Variants in MPRIP observed in about 807,000 individuals in gnomAD.
MPRIP encodes myosin phosphatase Rho interacting protein.
A neutral mutation model predicts 234.9 loss-of-function variants in MPRIP; 59 were observed. The ratio of observed to expected loss-of-function variants is 0.25; its 90% CI spans 0.20 to 0.31. MPRIP has a LOEUF of 0.31. Among genes scored for constraint, MPRIP ranks in the 10% least tolerant of loss-of-function variants. The pLI is 1.00. For synonymous variants in MPRIP, 1,144 were observed against 1,263.9 expected, an observed-to-expected ratio of 0.91 and a Z score of 2.01; for missense variants, 2,436 against 3,071.0, an observed-to-expected ratio of 0.79 and a Z score of 4.89.
At chr17:17,086,364 C>T (rs948937007) in intron 3 of MPRIP, among the ~76,000 whole-genome samples, 1 of 152,216 alleles carries the variant, frequency 6.6e-6, no homozygotes, top group African/African-American at 2.4e-5. Context: ...TTAGATGAGT[C>T]CCCATCCCGT....
intron 1 of MPRIP, among the ~76,000 whole-genome samples, chr17:17,071,790 C>T (rs1486595682): frequency 2.6e-5 from 4 of 152,136 alleles, no homozygotes; most frequent in African/African-American, 9.7e-5. Flanking sequence ...TCTGGGAGGA[C>T]CTGCATAGAA....
At position 17,066,723 on chromosome 17, in the gene MPRIP, CTTTTTTTTTTTTTTTTTTTTTTTTTT is replaced by C. The variant is rs34804730; in HGVS notation, c.124-8966_124-8941del. ...TCAAACCCACAGATACTTTTTTCAT[CTTTTTTTTTTTTTTTTTTTTTTTTTT>C]TTTTTTTTTTTTTTTTTTTTGAGAC... On this transcript the variant is annotated intron_variant, in intron 1 of 23. Coordinates refer to ENST00000651222, the MANE Select transcript of MPRIP (RefSeq NM_001364716.4). Among the ~76,000 whole-genome samples the C allele has an allele frequency of 6.5e-3, 237 of 36,678 alleles. 1 individual carries two copies. The highest frequency in any genetic ancestry group is 0.017 in the South Asian group (13 of 758). The allele number at this position is 36,678 out of a possible 152,430, so 24.1% of individuals were successfully genotyped here.
chr17:17,172,484 C>T (rs1444752628), intron 17 of MPRIP, among the ~76,000 whole-genome samples: 1 of 152,202 alleles, frequency 6.6e-6, no homozygotes, highest in Non-Finnish European at 1.5e-5. Context: ...GCATTCCTTC[C>T]AGGGGGAGTT....
At chr17:17,180,890 A>G (rs1021231530) in intron 23 of MPRIP, among the ~76,000 whole-genome samples, 1 of 152,250 alleles carries the variant, frequency 6.6e-6, no homozygotes, top group African/African-American at 2.4e-5. Context: ...GCAGGCAGAG[A>G]GCCAGGCACC....
intron 1 of MPRIP, among the ~76,000 whole-genome samples, chr17:17,070,805 T>C (rs566535283): frequency 6.6e-6 from 1 of 152,362 alleles, no homozygotes; most frequent in East Asian, 1.9e-4. Flanking sequence ...GGTATGATGA[T>C]GATTTTTGGT....
intron 1 of MPRIP, chr17:17,057,745 G>T: frequency 1.4e-6 from 1 of 716,136 alleles, no homozygotes; most frequent in South Asian, 1.5e-5. Flanking sequence ...AGACCACCCT[G>T]ACCCCCACCC....
chr17:17,131,940 A>C (rs2090605060), intron 5 of MPRIP, among the ~76,000 whole-genome samples: 1 of 152,204 alleles, frequency 6.6e-6, no homozygotes, highest in Non-Finnish European at 1.5e-5. Flanking sequence ...GGAAGTTTCC[A>C]GCCAGCTAGC....
At chr17:17,044,195 A>C (rs971504916) in intron 1 of MPRIP, among the ~76,000 whole-genome samples, 1 of 152,230 alleles carries the variant, frequency 6.6e-6, no homozygotes, top group Non-Finnish European at 1.5e-5. Flanking sequence ...TCAAGGCTGC[A>C]AAGTCATAGA....
In MPRIP at chr17:17,146,005, T is replaced by G. The variant is rs773136039; in HGVS notation, c.1504-31T>G. The G allele has an allele frequency of 1.1e-5, 17 of 1,609,612 alleles. No individual in the cohort carries two copies. The East Asian group carries it at 1.3e-4, about 13-fold the overall frequency. On this transcript the variant is annotated intron_variant, in intron 9 of 23. Transcript: ENST00000651222. ...CACTCATGACACTAGAAGAGTTTCC[T>G]CTGAGCTGTTCTTTTTTCTCCCTTT...
At chr17:17,128,427 T>A (rs554768378) in intron 4 of MPRIP, among the ~76,000 whole-genome samples, 1 of 152,256 alleles carries the variant, frequency 6.6e-6, no homozygotes, top group Non-Finnish European at 1.5e-5. Flanking sequence ...GCAGGCAGCT[T>A]AAGTCCTGCC....
Position 17,189,211 on chromosome 17 carries a change from C to CA in MPRIP, c.*4318dup, listed in dbSNP as rs1261308695. 6.6e-6 allele frequency: 1 copy of CA among 152,154 alleles called. No homozygotes were observed. Among genetic ancestry groups the CA allele is most frequent in the Non-Finnish European group, 1.5e-5 (1 of 68,148 alleles). 9.4% of individuals were successfully genotyped at this position (152,154 alleles called of 1,614,324 possible). On this transcript the variant is annotated 3_prime_UTR_variant, in exon 24 of 24. Transcript: ENST00000651222. ...TGTTTTTTGTTTTTTGTTTTCAAGA[C>CA]AGAGTCTCGCTCTGTTGTCCAGGCT... is the stretch of plus-strand genomic sequence containing the variant.
chr17:17,098,496 G>A (rs61024568), intron 3 of MPRIP, among the ~76,000 whole-genome samples: 8,710 of 152,264 alleles, frequency 0.057, 798 homozygotes, highest in African/African-American at 0.19. Context: ...GAATAAATAC[G>A]AAAGGCTGAG....
chr17:17,156,283 G>C (rs1006596426), intron 13 of MPRIP, among the ~76,000 whole-genome samples: 2 of 152,230 alleles, frequency 1.3e-5, no homozygotes, highest in African/African-American at 2.4e-5. Flanking sequence ...ATGGGCCCAG[G>C]GGAATGAATG....
chr17:17,057,993 A>G (rs1220240068), intron 1 of MPRIP: 2 of 403,956 alleles, frequency 5.0e-6, no homozygotes, highest in Non-Finnish European at 9.0e-6. Flanking sequence ...CATCCATTCA[A>G]AGCATCCTTC....
At position 17,166,051 on chromosome 17, in the gene MPRIP, G is replaced by A. The variant is rs1299853323; in HGVS notation, c.4460G>A (p.Arg1487Lys). Residue 1487 changes from arginine (R) to lysine (K), a missense_variant, in exon 16 of 24, where the codon AGA becomes AAA. Around this residue, in one of 4 missense-constraint regions of MPRIP, gnomAD observed 1,998 missense variants for 2,520.3 expected, o/e 0.79. Coordinates refer to ENST00000651222, the MANE Select transcript of MPRIP (RefSeq NM_001364716.4). The surrounding 1 kb of genome is among the most constrained non-coding windows in gnomAD (Gnocchi z 4.4). ...CTGGAAAATTGCCGAGAACAACTGA[G>A]ATCTCTGCCTAGGGCCAGCCAGGAG... Reference protein sequence around the residue: ...MCLENCREQLRSLPRASQEDE... With the variant: ...MCLENCREQLKSLPRASQEDE... 3 of 1,303,376 alleles carry A rather than the reference G, an allele frequency of 2.3e-6. No homozygotes were observed. The highest frequency in any genetic ancestry group is 2.5e-5 in the South Asian group (2 of 80,886). 80.7% of individuals were successfully genotyped at this position (1,303,376 alleles called of 1,614,324 possible). A position where few individuals can be genotyped will look rare whatever the true frequency, so the allele number is the denominator to read the frequency against.
intron 3 of MPRIP, among the ~76,000 whole-genome samples, chr17:17,089,145 C>G (rs2089657413): frequency 6.6e-6 from 1 of 152,242 alleles, no homozygotes; most frequent in Non-Finnish European, 1.5e-5. Flanking sequence ...TGTTTGTTTC[C>G]TGTGGCCACT....
At chr17:17,168,213 G>C (rs1022625284) in intron 16 of MPRIP, 4 of 296,988 alleles carry the variant, frequency 1.3e-5, no homozygotes, top group African/African-American at 8.8e-5. Context: ...GCCTCTCCGT[G>C]TTCCTGAGAG....
At chr17:17,044,105 G>C (rs1458318408) in intron 1 of MPRIP, among the ~76,000 whole-genome samples, 1 of 152,160 alleles carries the variant, frequency 6.6e-6, no homozygotes, top group Non-Finnish European at 1.5e-5. Flanking sequence ...CCTGGGGCAC[G>C]GGGCCTTTCT....
At chr17:17,128,081 G>T (rs943117043) in intron 4 of MPRIP, among the ~76,000 whole-genome samples, 1 of 152,214 alleles carries the variant, frequency 6.6e-6, no homozygotes, top group Non-Finnish European at 1.5e-5. Flanking sequence ...GAACCCTCGT[G>T]GTACAGTCGA....
Sources: allele counts gnomAD v4.1 joint callset (sites outside exome capture counted in the v4.1 genomes callset), GRCh38; gene constraint gnomAD v4.1.1; regional missense constraint gnomAD v4.1.1; non-coding constraint Gnocchi (gnomAD v3.1); transcripts MANE v1.5; gene names NCBI Gene and HGNC (gene_info 2026-07-23, HGNC 2026-07-21).